Variants in DENND1C observed in about 807,000 individuals in gnomAD.
DENND1C encodes the protein DENN domain-containing protein 1C.
Under a neutral mutation model 87.9 loss-of-function variants are expected in DENND1C, and 64 were observed. The observed-to-expected ratio is 0.73, with a 90% confidence interval of 0.60 to 0.90. The LOEUF is 0.90. DENND1C is among the 40% of genes least tolerant of loss of function. The probability of loss-of-function intolerance (pLI) is 0.00; values close to 1 mark genes in which losing one functional copy is unlikely to be tolerated. For missense variants in DENND1C, 980 were observed against 1,037.0 expected, an observed-to-expected ratio of 0.95 and a Z score of 0.76; for synonymous variants, 384 against 424.4, an observed-to-expected ratio of 0.90 and a Z score of 1.17.
chr19:6,475,403 A>G lies in DENND1C; in HGVS notation c.928-4T>C, dbSNP rs777107284. On this transcript the variant is annotated splice_region_variant and splice_polypyrimidine_tract_variant and intron_variant, in intron 13 of 22. Transcript: ENST00000381480. The stretch of plus-strand genomic sequence containing the variant: ...GCCGGAGCCTCAGCAGGGACACCTG[A>G]AGCACAAGGGAGTGGCCCTGAGTGG... 6.2e-7 allele frequency: 1 copy of G among 1,611,724 alleles called. No homozygotes were observed. The highest frequency in any genetic ancestry group is 1.3e-5 in the African/African-American group (1 of 74,990).
At chr19:6,473,045 T>A in intron 14 of DENND1C, 52 bp from the exon 15 acceptor site, 1 of 1,318,760 alleles carries the variant, frequency 7.6e-7, no homozygotes, top group Non-Finnish European at 1.0e-6. Context: ...TGGCCCTCCC[T>A]CATTCTACTA....
At chr19:6,477,950 C>T (rs374127008) in intron 6 of DENND1C, among the ~76,000 whole-genome samples, 1 of 151,098 alleles carries the variant, frequency 6.6e-6, no homozygotes, top group South Asian at 2.1e-4. Flanking sequence ...TGGGCCGCGC[C>T]TATAGTCCCA....
At position 6,468,895 on chromosome 19, in the gene DENND1C, C is replaced by T. The variant is rs754805887; in HGVS notation, c.1466G>A (p.Arg489His). The T allele has an allele frequency of 2.3e-5, 34 of 1,500,000 alleles. No individual in the cohort carries two copies. The highest frequency in any genetic ancestry group is 2.8e-5 in the African/African-American group (2 of 70,504). The allele number at this position is 1,500,000 out of a possible 1,614,324, so 92.9% of individuals were successfully genotyped here. ...GSLRAPALPS[R>H]SDRLQQRLPI... ...GAGGCGTTGCTGCAGGCGGTCTGAGCGGCTGGGGAGGGCTGGGGCCCTCAG... is the reference window on the plus strand; with the variant it reads ...GAGGCGTTGCTGCAGGCGGTCTGAGTGGCTGGGGAGGGCTGGGGCCCTCAG... Residue 489 changes from arginine (R) to histidine (H), a missense_variant, in exon 20 of 23, where the codon CGC becomes CAC. Arg to His is a conservative substitution (Grantham distance 29, BLOSUM62 0). Transcript: ENST00000381480.
At position 6,479,775 on chromosome 19, in the gene DENND1C, T is replaced by C. The variant is rs1398821381; in HGVS notation, c.127-57A>G. On this transcript the variant is annotated intron_variant, in intron 3 of 22. Transcript: ENST00000381480. Reference sequence around the variant, plus strand: ...CCACTGAGGTCGGGCACCACCTCCCTGGGCTCCAGGTCCAAGAAACCAAGT... The same window carrying C: ...CCACTGAGGTCGGGCACCACCTCCCCGGGCTCCAGGTCCAAGAAACCAAGT... 3 of 1,613,802 alleles carry C rather than the reference T, an allele frequency of 1.9e-6. No homozygotes were observed. The Admixed American group carries it at 5.0e-5, about 27-fold the overall frequency.
At chr19:6,469,705 C>T (rs1184007373) in intron 18 of DENND1C, 65 bp from the exon 19 acceptor site, 2 of 1,538,538 alleles carry the variant, frequency 1.3e-6, no homozygotes, top group Non-Finnish European at 8.8e-7. Context: ...AGAGCTCAGC[C>T]TTCTGTCCCC....
At chr19:6,477,492 G>T (rs2092869586) in intron 6 of DENND1C, 34 bp from the exon 7 acceptor site, 3 of 1,597,968 alleles carry the variant, frequency 1.9e-6, no homozygotes, top group Non-Finnish European at 8.5e-7. Context: ...GGGTGGCTGA[G>T]CCAGATGTGG....
At chr19:6,479,381 G>A (rs574880249) in intron 4 of DENND1C, among the ~76,000 whole-genome samples, 3 of 134,656 alleles carry the variant, frequency 2.2e-5, no homozygotes, top group Middle Eastern at 3.6e-3. Flanking sequence ...TCTGGGTTCC[G>A]AAGTCCCTGA....
Position 6,467,448 on chromosome 19 carries a change from T to A in DENND1C, c.*56A>T. ...AATTCACCAGGAAAAAAACCAGCTT[T>A]TTTGGGCTCTTGTGGCTTTATTGAG... On this transcript the variant is annotated 3_prime_UTR_variant, in exon 23 of 23. Transcript: ENST00000381480. The A allele has an allele frequency of 6.8e-7, 1 of 1,461,640 alleles. No homozygotes were observed. 90.5% of individuals were successfully genotyped at this position (1,461,640 alleles called of 1,614,324 possible). A position where few individuals can be genotyped will look rare whatever the true frequency, so the allele number is the denominator to read the frequency against.
chr19:6,477,498 T>C, intron 6 of DENND1C, 40 bp from the exon 7 acceptor site: 1 of 1,581,846 alleles, frequency 6.3e-7, no homozygotes, highest in Non-Finnish European at 8.6e-7. Flanking sequence ...CTGAGCCAGA[T>C]GTGGGGATTG....
At chr19:6,469,509 C>T (rs1599377543) in intron 19 of DENND1C, 87 bp downstream of exon 19, 1 of 1,377,906 alleles carries the variant, frequency 7.3e-7, no homozygotes, top group East Asian at 2.5e-5. Context: ...GTCTCAAACT[C>T]CTGGGCTCAA....
chr19:6,476,095 AC>A, intron 10 of DENND1C, 158 bp from the exon 11 acceptor site: 1 of 725,330 alleles, frequency 1.4e-6, no homozygotes, highest in Non-Finnish European at 2.2e-6. Flanking sequence ...TCATGTGGAG[AC>A]CAGGAATTTG....
At chr19:6,478,669 A>T in intron 6 of DENND1C, 114 bp downstream of exon 6, 2 of 1,243,660 alleles carry the variant, frequency 1.6e-6, no homozygotes, top group Non-Finnish European at 2.3e-6. Flanking sequence ...CAGGGACTAC[A>T]GGTGTGACAC....
intron 18 of DENND1C, chr19:6,469,910 G>T: frequency 2.0e-6 from 1 of 510,830 alleles, no homozygotes; most frequent in Non-Finnish European, 3.5e-6. Context: ...AAGCGGTGAA[G>T]AACAAAATCG....
At chr19:6,478,754 C>T in intron 6 of DENND1C, 29 bp downstream of exon 6, 2 of 1,600,276 alleles carry the variant, frequency 1.2e-6, no homozygotes, top group South Asian at 1.1e-5. Flanking sequence ...CTGGGACTCC[C>T]ACAGGAGTGA....
At chr19:6,474,199 G>GAAA (rs74173088) in intron 14 of DENND1C, among the ~76,000 whole-genome samples, 5 of 140,534 alleles carry the variant, frequency 3.6e-5, no homozygotes, top group East Asian at 2.2e-4. Flanking sequence ...TGTCTCAAGA[G>GAAA]AAAAAAAAAA....
At chr19:6,469,938 T>G (rs2092818354) in intron 18 of DENND1C, 2 of 481,154 alleles carry the variant, frequency 4.2e-6, no homozygotes, top group East Asian at 6.9e-5. Flanking sequence ...AATTTTGAGC[T>G]GCAAAAATTG....
At chr19:6,474,455 C>T (rs2092847373) in intron 14 of DENND1C, among the ~76,000 whole-genome samples, 1 of 152,292 alleles carries the variant, frequency 6.6e-6, no homozygotes, top group East Asian at 1.9e-4. Context: ...GAGATCAAGG[C>T]CCCGGCTTCA....
intron 22 of DENND1C, 25 bp downstream of exon 22, chr19:6,468,209 T>C (rs778119159): frequency 8.1e-6 from 13 of 1,612,540 alleles, no homozygotes; most frequent in Admixed American, 5.0e-5. Flanking sequence ...TGGGGTAGGG[T>C]TGGGGGAGTG....
At chr19:6,481,449 T>C (rs973362793) in intron 1 of DENND1C, among the ~76,000 whole-genome samples, 2 of 138,808 alleles carry the variant, frequency 1.4e-5, no homozygotes, top group Non-Finnish European at 3.1e-5. Context: ...ATAGACATAA[T>C]CACAGGAGCT....
Sources: allele counts gnomAD v4.1 joint callset (sites outside exome capture counted in the v4.1 genomes callset), GRCh38; gene constraint gnomAD v4.1.1; transcripts MANE v1.5; gene names NCBI Gene and HGNC (gene_info 2026-07-23, HGNC 2026-07-21).